Variants in PRKAA2 observed in about 807,000 individuals in gnomAD.
PRKAA2 encodes protein kinase AMP-activated catalytic subunit alpha 2.
PRKAA2 carries 40 observed loss-of-function variants against 56.3 expected under a neutral mutation model. The observed-to-expected ratio is 0.71, with a 90% CI of 0.55 to 0.92. The LOEUF is 0.92. PRKAA2 is among the 40% of genes least tolerant of loss of function. The probability of loss-of-function intolerance (pLI) is 0.00; values close to 1 mark genes in which losing one functional copy is unlikely to be tolerated. For synonymous variants in PRKAA2, 214 were observed against 234.2 expected (o/e 0.91, Z 0.79); for missense variants, 542 against 686.9 (o/e 0.79, Z 2.36).
At chr1:56,652,134 T>A (rs1643903453) in intron 1 of PRKAA2, among the ~76,000 whole-genome samples, 1 of 150,676 alleles carries the variant, frequency 6.6e-6, no homozygotes, top group Non-Finnish European at 1.5e-5. Flanking sequence ...TGCCTCGGCC[T>A]CCCGACTAGC....
chr1:56,654,554 C>T (rs778326301), intron 1 of PRKAA2, among the ~76,000 whole-genome samples: 4 of 152,124 alleles, frequency 2.6e-5, no homozygotes, highest in Non-Finnish European at 5.9e-5. Flanking sequence ...GCAAATCTAC[C>T]TAGTGTATTT....
chr1:56,660,344 A>G lies in PRKAA2; in HGVS notation c.95-14037A>G, dbSNP rs187066594. On this transcript the variant is annotated intron_variant, in intron 1 of 8. Coordinates refer to ENST00000371244, the MANE Select transcript of PRKAA2 (RefSeq NM_006252.4). Reference sequence around the variant, plus strand: ...TTAAGTTCATTTTACATATTTTATTAGGGGATTTAGAGACTCTTAAGACTT... The same window carrying G: ...TTAAGTTCATTTTACATATTTTATTGGGGGATTTAGAGACTCTTAAGACTT... Among the ~76,000 whole-genome samples the G allele has an allele frequency of 1.4e-3, 217 of 152,294 alleles. 2 individuals are homozygous for G. Among genetic ancestry groups the G allele is most frequent in the South Asian group, 5.0e-3 (24 of 4,824 alleles).
intron 1 of PRKAA2, among the ~76,000 whole-genome samples, chr1:56,673,355 C>G (rs908664931): frequency 3.3e-5 from 5 of 152,028 alleles, no homozygotes; most frequent in Non-Finnish European, 7.4e-5. Context: ...GCCTGGATAA[C>G]AAAACAATAC....
At chr1:56,670,377 C>T (rs1644066484) in intron 1 of PRKAA2, among the ~76,000 whole-genome samples, 1 of 152,298 alleles carries the variant, frequency 6.6e-6, no homozygotes, top group East Asian at 1.9e-4. Context: ...ATGGTTTTCT[C>T]TTTCCTGTTG....
chr1:56,707,535 G>A lies in PRKAA2; in HGVS notation c.1481G>A (p.Gly494Asp). ...CCTCAGCGTTCCTGTTCTGCTGCTG[G>A]CTTACACAGACCAAGATCAAGTTTT... The part of the protein sequence containing the change: ...STPQRSCSAA[G>D]LHRPRSSFDS... Residue 494 changes from glycine (G) to aspartate (D), a missense_variant, in exon 9 of 9, where the codon GGC (glycine) becomes GAC (aspartate). Around this residue, in one of 5 missense-constraint regions of PRKAA2, gnomAD observed 158 missense variants for 166.1 expected, o/e 0.95. Transcript: ENST00000371244. 6.2e-7 allele frequency: 1 copy of A among 1,614,126 alleles called. No homozygotes were observed.
Position 56,711,522 on chromosome 1 carries a change from C to T in PRKAA2, c.*3809C>T, listed in dbSNP as rs1412908511. Reference sequence around the variant, plus strand: ...AAAAGCTGAGTGTCTAAATGCTAGACATGTTCACAATTTTGTCTGTTTTTG... The same window carrying T: ...AAAAGCTGAGTGTCTAAATGCTAGATATGTTCACAATTTTGTCTGTTTTTG... On this transcript the variant is annotated 3_prime_UTR_variant, in exon 9 of 9. Transcript: ENST00000371244. 1 of 152,146 alleles carries T rather than the reference C, an allele frequency of 6.6e-6. No individual in the cohort carries two copies. Among genetic ancestry groups the T allele is most frequent in the East Asian group, 1.9e-4 (1 of 5,188 alleles). 9.4% of individuals were successfully genotyped at this position (152,146 alleles called of 1,614,324 possible). A position where few individuals can be genotyped will look rare whatever the true frequency, so the allele number is the denominator to read the frequency against.
chr1:56,682,046 A>T (rs1420591301), intron 2 of PRKAA2, among the ~76,000 whole-genome samples: 1 of 152,114 alleles, frequency 6.6e-6, no homozygotes, highest in Non-Finnish European at 1.5e-5. Context: ...AGTGGTTTGT[A>T]GTTCTCCTTG....
intron 2 of PRKAA2, among the ~76,000 whole-genome samples, chr1:56,689,089 A>G (rs113739805): frequency 1.1e-3 from 165 of 152,260 alleles, no homozygotes; most frequent in African/African-American, 3.5e-3. Flanking sequence ...TGGCAGCTAA[A>G]TTTATTTATT....
chr1:56,704,271 G>A lies in PRKAA2; in HGVS notation c.1089G>A (p.Leu363=). The change falls in exon 7 of 9, where the codon CTG becomes CTA. Residue 363 remains leucine, a synonymous_variant. Transcript: ENST00000371244. ...GTGCCATGCATATTCCCCCAGGCCT[G>A]AAACCTCATCCAGAAAGGATGCCAC... ...DDSAMHIPPG[L]KPHPERMPPL... 6.2e-7 allele frequency: 1 copy of A among 1,614,080 alleles called. No individual in the cohort carries two copies. Among genetic ancestry groups the A allele is most frequent in the Non-Finnish European group, 8.5e-7 (1 of 1,180,008 alleles).
intron 5 of PRKAA2, 111 bp downstream of exon 5, chr1:56,693,963 T>A: frequency 4.3e-6 from 3 of 695,160 alleles, no homozygotes; most frequent in Non-Finnish European, 6.8e-6. Context: ...AGAAATGGAT[T>A]ATTCATTTAT....
chr1:56,702,437 G>A (rs1232597142), intron 6 of PRKAA2, among the ~76,000 whole-genome samples: 3 of 152,170 alleles, frequency 2.0e-5, no homozygotes, highest in African/African-American at 7.2e-5. Context: ...GATCTTTACA[G>A]AATGATAACT....
At position 56,668,855 on chromosome 1, in the gene PRKAA2, G is replaced by A. The variant is rs117784189; in HGVS notation, c.95-5526G>A. Among the ~76,000 whole-genome samples the A allele has an allele frequency of 2.7e-4, 41 of 152,268 alleles. No individual in the cohort carries two copies. The East Asian group carries it at 6.8e-3, about 25-fold the overall frequency. On this transcript the variant is annotated intron_variant, in intron 1 of 8. Coordinates refer to ENST00000371244, the MANE Select transcript of PRKAA2 (RefSeq NM_006252.4). ...AAAACTTTTAATCTTTGTGTAAAACGATTGTGTATTTATACCTGTATAACA... is the reference window on the plus strand; with the variant it reads ...AAAACTTTTAATCTTTGTGTAAAACAATTGTGTATTTATACCTGTATAACA...
At position 56,702,324 on chromosome 1, in the gene PRKAA2, C is replaced by A. The variant is rs1415944714; in HGVS notation, c.789-1647C>A. On this transcript the variant is annotated intron_variant, in intron 6 of 8. Transcript: ENST00000371244. Reference sequence around the variant, plus strand: ...TCTCGAACTCCCGACCTCAGGTGATCCGCCTGCCTCGGCCTCCCAAAGTGC... The same window carrying A: ...TCTCGAACTCCCGACCTCAGGTGATACGCCTGCCTCGGCCTCCCAAAGTGC... 2.0e-5 allele frequency among the ~76,000 whole-genome samples: 3 copies of A among 152,136 alleles called. No individual in the cohort carries two copies. The South Asian group carries it at 6.2e-4, about 32-fold the overall frequency.
rs577737782 is a variant in PRKAA2, at chr1:56,667,744, A to C, written c.95-6637A>C. Among the ~76,000 whole-genome samples, 10 of 152,300 alleles carry C rather than the reference A, an allele frequency of 6.6e-5. No homozygotes were observed. The East Asian group carries it at 1.9e-3, about 29-fold the overall frequency. ...ATATACATATAGATACACACCTGCT[A>C]AGGTATCCCTCACAGATTTGTGAGA... On this transcript the variant is annotated intron_variant, in intron 1 of 8. Coordinates refer to ENST00000371244, the MANE Select transcript of PRKAA2 (RefSeq NM_006252.4).
At chr1:56,681,470 T>C (rs1644154731) in intron 2 of PRKAA2, among the ~76,000 whole-genome samples, 1 of 152,344 alleles carries the variant, frequency 6.6e-6, no homozygotes, top group African/African-American at 2.4e-5. Flanking sequence ...GGTTTTCTTC[T>C]AGGGTTTTTA....
rs193190849 is a variant in PRKAA2 at position 56,684,475 on chromosome 1, G to T, written c.237-6919G>T. On this transcript the variant is annotated intron_variant, in intron 2 of 8. Transcript: ENST00000371244. ...AAGATAAACAAGAAGTCCAAGGACTGGGCTCTAGAACACTATGATGCTAAC... is the reference window on the plus strand; with the variant it reads ...AAGATAAACAAGAAGTCCAAGGACTTGGCTCTAGAACACTATGATGCTAAC... Among the ~76,000 whole-genome samples, 207 of 152,160 alleles carry T rather than the reference G, an allele frequency of 1.4e-3. 3 individuals are homozygous for T. Among genetic ancestry groups the T allele is most frequent in the East Asian group, 2.9e-3 (15 of 5,158 alleles).
At chr1:56,684,924 G>T (rs536681468) in intron 2 of PRKAA2, among the ~76,000 whole-genome samples, 1 of 152,262 alleles carries the variant, frequency 6.6e-6, no homozygotes, top group Admixed American at 6.5e-5. Context: ...GAGTGATTCA[G>T]TCAAGAGGAA....
rs140142539 is a variant in PRKAA2, at chr1:56,710,292, A to T, written c.*2579A>T. ...CATTTCCCAAAGTATATCCTGTGAG[A>T]TGCTCCACAGAAAAAATGATTGCAT... On this transcript the variant is annotated 3_prime_UTR_variant, in exon 9 of 9. Transcript: ENST00000371244. The T allele has an allele frequency of 7.0e-4, 107 of 152,208 alleles. No individual in the cohort carries two copies. The highest frequency in any genetic ancestry group is 2.5e-3 in the African/African-American group (104 of 41,550). 9.4% of individuals were successfully genotyped at this position (152,208 alleles called of 1,614,324 possible). A position where few individuals can be genotyped will look rare whatever the true frequency, so the allele number is the denominator to read the frequency against.
intron 1 of PRKAA2, among the ~76,000 whole-genome samples, chr1:56,658,920 G>A (rs187000254): frequency 1.1e-3 from 170 of 151,486 alleles, no homozygotes; most frequent in Non-Finnish European, 2.0e-3. Context: ...TTCTCTTCCT[G>A]AGTGGCTGGG....
Sources: allele counts gnomAD v4.1 joint callset (sites outside exome capture counted in the v4.1 genomes callset), GRCh38; gene constraint gnomAD v4.1.1; regional missense constraint gnomAD v4.1.1; transcripts MANE v1.5; gene names NCBI Gene and HGNC (gene_info 2026-07-23, HGNC 2026-07-21).